Variants in KCTD8 observed in about 807,000 individuals in gnomAD.
The protein encoded by KCTD8 is BTB/POZ domain-containing protein KCTD8.
A neutral mutation model predicts 31.5 loss-of-function variants in KCTD8; 27 were observed. The ratio of observed to expected loss-of-function variants is 0.86; its 90% CI spans 0.63 to 1.18. The LOEUF (loss-of-function observed/expected upper bound fraction) is 1.18, where lower values mean the gene tolerates loss of function less well. KCTD8 is among the 50% of genes most tolerant of loss of function. KCTD8 has a pLI of 0.00. For missense variants in KCTD8, 658 were observed against 647.7 expected (o/e 1.02, Z -0.17); for synonymous variants, 290 against 280.0 (o/e 1.04, Z -0.36).
intron 1 of KCTD8, among the ~76,000 whole-genome samples, chr4:44,320,212 T>C (rs1287195001): frequency 7.1e-6 from 1 of 141,708 alleles, no homozygotes; most frequent in Non-Finnish European, 1.5e-5. Context: ...GAGAGAGAAT[T>C]GATGCTCTAG....
intron 1 of KCTD8, among the ~76,000 whole-genome samples, chr4:44,179,787 T>G: frequency 6.6e-6 from 1 of 152,172 alleles, no homozygotes; most frequent in Non-Finnish European, 1.5e-5. Context: ...ATACTTTAAA[T>G]TATTATTGAT....
intron 1 of KCTD8, among the ~76,000 whole-genome samples, chr4:44,378,299 A>G (rs893874910): frequency 4.0e-5 from 6 of 149,078 alleles, no homozygotes; most frequent in Non-Finnish European, 8.9e-5. Flanking sequence ...TACTATACAT[A>G]CTATTCTCTG....
chr4:44,261,515 C>T (rs1178059523), intron 1 of KCTD8, among the ~76,000 whole-genome samples: 3 of 151,946 alleles, frequency 2.0e-5, no homozygotes, highest in Admixed American at 2.0e-4. Context: ...CTATAGTCAT[C>T]ATGCTATACA....
chr4:44,178,157 A>G (rs904531266), intron 1 of KCTD8, among the ~76,000 whole-genome samples: 1 of 152,242 alleles, frequency 6.6e-6, no homozygotes, highest in Non-Finnish European at 1.5e-5. Context: ...TTGCTCATCT[A>G]TAATATGAGT....
At chr4:44,386,397 T>C (rs1468549366) in intron 1 of KCTD8, among the ~76,000 whole-genome samples, 3 of 151,400 alleles carry the variant, frequency 2.0e-5, no homozygotes, top group Non-Finnish European at 3.0e-5. Context: ...TGCAAGCAAC[T>C]TTATAGGAAA....
chr4:44,440,653 TTTCA>T (rs1383369947), intron 1 of KCTD8, among the ~76,000 whole-genome samples: 1 of 152,240 alleles, frequency 6.6e-6, no homozygotes, highest in African/African-American at 2.4e-5. Flanking sequence ...TAATTCACAC[TTTCA>T]TTCAGAAAAC....
At chr4:44,371,645 T>C (rs1261162441) in intron 1 of KCTD8, among the ~76,000 whole-genome samples, 1 of 152,190 alleles carries the variant, frequency 6.6e-6, no homozygotes, top group African/African-American at 2.4e-5. Context: ...TCCTAAAACA[T>C]ACACATACAA....
At chr4:44,314,557 T>C (rs1718053026) in intron 1 of KCTD8, among the ~76,000 whole-genome samples, 1 of 152,138 alleles carries the variant, frequency 6.6e-6, no homozygotes, top group Non-Finnish European at 1.5e-5. Flanking sequence ...GAATAATGTT[T>C]CCTCTGCCTG....
intron 1 of KCTD8, among the ~76,000 whole-genome samples, chr4:44,280,892 T>C (rs1716887703): frequency 6.6e-6 from 1 of 152,050 alleles, no homozygotes; most frequent in Non-Finnish European, 1.5e-5. Context: ...AATTTTTCAT[T>C]AGTAGTGACA....
At chr4:44,235,543 A>T (rs1343957634) in intron 1 of KCTD8, among the ~76,000 whole-genome samples, 4,056 of 36,812 alleles carry the variant, frequency 0.11, 501 homozygotes, top group African/African-American at 0.38. Context: ...ATATATATAT[A>T]TATATATATA....
At chr4:44,428,199 A>G (rs1316296508) in intron 1 of KCTD8, among the ~76,000 whole-genome samples, 2 of 151,694 alleles carry the variant, frequency 1.3e-5, no homozygotes, top group African/African-American at 2.4e-5. Context: ...TAAATGTTAC[A>G]TTTAAGTATA....
At chr4:44,225,474 A>G (rs1014904768) in intron 1 of KCTD8, among the ~76,000 whole-genome samples, 3 of 152,236 alleles carry the variant, frequency 2.0e-5, no homozygotes, top group Non-Finnish European at 4.4e-5. Flanking sequence ...GTTGTGGTAC[A>G]GACTATGGAG....
chr4:44,235,618 C>G lies in KCTD8; in HGVS notation c.962-60368G>C, dbSNP rs958638048. Among the ~76,000 whole-genome samples, 7 of 134,022 alleles carry G rather than the reference C, an allele frequency of 5.2e-5. No homozygotes were observed. The East Asian group carries it at 1.2e-3, about 22-fold the overall frequency. 87.9% of individuals were successfully genotyped at this position (134,022 alleles called of 152,430 possible). ...AGAGAGAGAGAGTATGAGTAAAATC[C>G]ACTGTCTGCAGAAACTGACAAAGCA... On this transcript the variant is annotated intron_variant, in intron 1 of 1. Coordinates refer to ENST00000360029, the MANE Select transcript of KCTD8 (RefSeq NM_198353.3).
intron 1 of KCTD8, among the ~76,000 whole-genome samples, chr4:44,235,460 T>C (rs1225763704): frequency 3.6e-5 from 5 of 137,410 alleles, no homozygotes; most frequent in African/African-American, 7.8e-5. Context: ...TATATACAGA[T>C]AGAGAGCAAG....
intron 1 of KCTD8, among the ~76,000 whole-genome samples, chr4:44,379,171 A>C (rs1719997128): frequency 6.6e-6 from 1 of 152,138 alleles, no homozygotes; most frequent in African/African-American, 2.4e-5. Flanking sequence ...GAAGTAACAT[A>C]CTATCAGGTT....
At chr4:44,213,256 A>C (rs2109344509) in intron 1 of KCTD8, among the ~76,000 whole-genome samples, 1 of 151,774 alleles carries the variant, frequency 6.6e-6, no homozygotes, top group Non-Finnish European at 1.5e-5. Context: ...TATTGACCAA[A>C]ATTTTTAATT....
chr4:44,243,614 CACA>C (rs1451641824), intron 1 of KCTD8, among the ~76,000 whole-genome samples: 1 of 152,140 alleles, frequency 6.6e-6, no homozygotes, highest in Non-Finnish European at 1.5e-5. Flanking sequence ...ATTTGGTGTT[CACA>C]ACAACCCATT....
At chr4:44,274,050 C>T (rs1271206616) in intron 1 of KCTD8, among the ~76,000 whole-genome samples, 1 of 151,862 alleles carries the variant, frequency 6.6e-6, no homozygotes, top group African/African-American at 2.4e-5. Context: ...AAGATTATAA[C>T]CTCTCCCTGT....
intron 1 of KCTD8, among the ~76,000 whole-genome samples, chr4:44,409,288 AT>A (rs982033077): frequency 1.3e-5 from 2 of 151,576 alleles, no homozygotes; most frequent in Non-Finnish European, 2.9e-5. Flanking sequence ...GAGGGAGGAG[AT>A]TTTTTATATA....
Sources: gnomAD v4.1 joint callset for allele counts (sites outside exome capture counted in the v4.1 genomes callset) on GRCh38, gnomAD v4.1.1 for gene constraint, MANE v1.5 for transcripts, NCBI Gene and HGNC (gene_info 2026-07-23, HGNC 2026-07-21) for gene names.